The following FAM186A variants were observed in gnomAD, a reference collection of about 807,000 sequenced individuals.
FAM186A encodes protein FAM186A.
FAM186A carries 163 observed loss-of-function variants against 216.8 expected under a neutral mutation model. The observed-to-expected ratio is 0.75, with a 90% CI of 0.66 to 0.86. The LOEUF (loss-of-function observed/expected upper bound fraction) is 0.86, where lower values mean the gene tolerates loss of function less well. Ranked by LOEUF, FAM186A falls within the 40% of genes least tolerant of loss-of-function variation. FAM186A has a pLI of 0.00. For missense variants in FAM186A, 2,184 were observed against 2,746.2 expected, an observed-to-expected ratio of 0.80 and a Z score of 4.58; for synonymous variants, 805 against 1,025.3, an observed-to-expected ratio of 0.79 and a Z score of 4.10.
rs954273999 is a variant in FAM186A at position 50,355,948 on chromosome 12, C to G, written c.884G>C (p.Ser295Thr). The change falls in exon 4 of 8, where the codon AGT (serine) becomes ACT (threonine). Residue 295 changes from serine (S) to threonine (T), a missense_variant. Coordinates refer to ENST00000327337, the MANE Select transcript of FAM186A (RefSeq NM_001145475.3). ...QSSTVYAHET[S>T]EAEKELSLKI... Reference sequence around the variant, plus strand: ...CAGAGAGAGCTCCTTTTCTGCTTCACTTGTCTCATGTGCATACACAGTGGA... The same window carrying G: ...CAGAGAGAGCTCCTTTTCTGCTTCAGTTGTCTCATGTGCATACACAGTGGA... 1.5e-5 allele frequency: 23 copies of G among 1,551,450 alleles called. No individual in the cohort carries two copies. Among genetic ancestry groups the G allele is most frequent in the Non-Finnish European group, 1.5e-5 (17 of 1,146,990 alleles).
chr12:50,330,556 T>C lies in FAM186A; in HGVS notation c.7034+17A>G. On this transcript the variant is annotated intron_variant, in intron 7 of 7. Transcript: ENST00000327337. ...TCAAAGGCCCAATTACCAGAGTGCT[T>C]CCAGTCCATAACTTACCGTGATTGG... is the stretch of plus-strand genomic sequence containing the variant. 1 of 1,544,552 alleles carries C rather than the reference T, an allele frequency of 6.5e-7. No individual in the cohort carries two copies. Among genetic ancestry groups the C allele is most frequent in the Non-Finnish European group, 8.7e-7 (1 of 1,144,770 alleles).
Position 50,352,969 on chromosome 12 carries a change from C to A in FAM186A, c.3863G>T (p.Gly1288Val). The A allele has an allele frequency of 6.5e-7, 1 of 1,531,164 alleles. No homozygotes were observed. Among genetic ancestry groups the A allele is most frequent in the Non-Finnish European group, 8.8e-7 (1 of 1,135,902 alleles). The allele number at this position is 1,531,164 out of a possible 1,614,324, so 94.8% of individuals were successfully genotyped here. The change falls in exon 4 of 8, where the codon GGG becomes GTG. Residue 1288 changes from glycine (G) to valine (V), a missense_variant. Around this residue, in one of 7 missense-constraint regions of FAM186A, gnomAD observed 267 missense variants for 446.2 expected, o/e 0.60. Transcript: ENST00000327337. The stretch of plus-strand genomic sequence containing the variant: ...GGCCTGCTGAGGGTTGAGAGGGATC[C>A]CCAATTCCTGAGCCTGCTTAGGGGT... ...TLTPKQAQEL[G>V]IPLNPQQAQT... is the part of the protein sequence containing the mutation.
Position 50,352,009 on chromosome 12 carries a change from G to A in FAM186A, c.4823C>T (p.Ala1608Val), listed in dbSNP as rs777559312. The A allele has an allele frequency of 1.8e-4, 272 of 1,507,780 alleles. 1 individual carries two copies. The highest frequency in any genetic ancestry group is 4.3e-4 in the Admixed American group (21 of 48,562). The allele number at this position is 1,507,780 out of a possible 1,614,324, so 93.4% of individuals were successfully genotyped here. A position where few individuals can be genotyped will look rare whatever the true frequency, so the allele number is the denominator to read the frequency against. ...ELGIPLTPQQ[A>V]QAQGIPLTPQ... ...GGTGAGAGGGATCCCCTGAGCCTGC[G>A]CCTGCTGAGGGGTGAGAGGGATCCC... The change falls in exon 4 of 8, where the codon GCG becomes GTG. Residue 1608 changes from alanine (A) to valine (V), a missense_variant. Ala to Val is a moderately conservative substitution (Grantham distance 64). Coordinates refer to ENST00000327337, the MANE Select transcript of FAM186A (RefSeq NM_001145475.3).
chr12:50,355,353 G>C lies in FAM186A; in HGVS notation c.1479C>G (p.Tyr493Ter). Residue 493 changes from tyrosine to a stop codon, truncating the protein, a stop_gained, in exon 4 of 8, where the codon TAC (tyrosine) becomes TAG (stop). Transcript: ENST00000327337. LOFTEE classifies it high-confidence loss of function. ...QKVSEAKPSQ[Y>*]YELQVLKKKR... ...TCTTTTTCAGTACTTGTAGCTCATA[G>C]TATTGACTAGGTTTGGCCTCTGAGA... 2 of 1,551,252 alleles carry C rather than the reference G, an allele frequency of 1.3e-6. No individual in the cohort carries two copies. Among genetic ancestry groups the C allele is most frequent in the Non-Finnish European group, 1.7e-6 (2 of 1,146,948 alleles).
intron 1 of FAM186A, among the ~76,000 whole-genome samples, chr12:50,372,151 C>T (rs184129161): frequency 1.3e-5 from 2 of 151,682 alleles, no homozygotes; most frequent in East Asian, 1.9e-4. Context: ...AATAATCAAA[C>T]GTTAAGTATG....
chr12:50,360,117 G>A (rs1183550839), intron 3 of FAM186A, among the ~76,000 whole-genome samples: 3 of 151,706 alleles, frequency 2.0e-5, no homozygotes, highest in African/African-American at 4.8e-5. Flanking sequence ...GGTGGCAGGT[G>A]CCTGTAATCC....
chr12:50,350,403 T>A lies in FAM186A; in HGVS notation c.6429A>T (p.Ile2143=), dbSNP rs886224497. ...HTMARTLIIE[I]LHMDTVQLGY... is the part of the protein sequence containing the mutation. ...CCAACTGAACTGTGTCCATATGAAG[T>A]ATCTCAATTATGAGAGTCCTAGCCA... The change falls in exon 4 of 8, where the codon ATA becomes ATT. Residue 2143 remains isoleucine, a synonymous_variant. Transcript: ENST00000327337. The A allele has an allele frequency of 6.4e-7, 1 of 1,551,346 alleles. No homozygotes were observed. The highest frequency in any genetic ancestry group is 1.4e-5 in the African/African-American group (1 of 73,016).
At chr12:50,391,046 T>C (rs554272281) in intron 1 of FAM186A, among the ~76,000 whole-genome samples, 2 of 152,022 alleles carry the variant, frequency 1.3e-5, no homozygotes, top group East Asian at 1.9e-4. Context: ...TGGAGTGTAG[T>C]GGTGCGATTG....
In FAM186A at chr12:50,353,377, T is replaced by C. The variant is rs533953825; in HGVS notation, c.3455A>G (p.Asp1152Gly). The C allele has an allele frequency of 4.4e-6, 6 of 1,357,560 alleles. No individual in the cohort carries two copies. The South Asian group carries it at 8.5e-5, about 19-fold the overall frequency. The allele number at this position is 1,357,560 out of a possible 1,614,324, so 84.1% of individuals were successfully genotyped here. The change falls in exon 4 of 8, where the codon GAC (aspartate) becomes GGC (glycine). Residue 1152 changes from aspartate (D) to glycine (G), a missense_variant. Coordinates refer to ENST00000327337, the MANE Select transcript of FAM186A (RefSeq NM_001145475.3). ...GGTGAGAGAGATCCCCGGGGCCTGGTCCTGCTGAGGGGTGAGAGTGATCCC... is the reference window on the plus strand; with the variant it reads ...GGTGAGAGAGATCCCCGGGGCCTGGCCCTGCTGAGGGGTGAGAGTGATCCC... The part of the protein sequence containing the change: ...VQGITLTPQQ[D>G]QAPGISLTTQ...
At chr12:50,378,200 GACA>G (rs1479577305) in intron 1 of FAM186A, among the ~76,000 whole-genome samples, 1 of 146,084 alleles carries the variant, frequency 6.8e-6, no homozygotes, top group Non-Finnish European at 1.5e-5. Flanking sequence ...CTCCAGCCTC[GACA>G]ACAAGAGCGA....
chr12:50,365,924 T>C, intron 1 of FAM186A: 3 of 763,160 alleles, frequency 3.9e-6, no homozygotes, highest in East Asian at 2.4e-5. Flanking sequence ...AAAAGGCTAA[T>C]GGCACAACTG....
rs148400915 is a variant in FAM186A at position 50,353,684 on chromosome 12, G to T, written c.3148C>A (p.Pro1050Thr). Residue 1050 changes from proline to threonine, a missense_variant, in exon 4 of 8, where the codon CCT becomes ACT. Pro to Thr is a conservative substitution (Grantham distance 38, BLOSUM62 -1). Around this residue, in one of 7 missense-constraint regions of FAM186A, gnomAD observed 1,132 missense variants for 1,263.4 expected, o/e 0.90. Coordinates refer to ENST00000327337, the MANE Select transcript of FAM186A (RefSeq NM_001145475.3). ...PDEKEPISIT[P>T]PPSLQYSLPG... ...AGGGAGTATTGTAGGGAGGGGGGAGGTGTGATTGATATGGGCTCCTTTTCA... is the reference window on the plus strand; with the variant it reads ...AGGGAGTATTGTAGGGAGGGGGGAGTTGTGATTGATATGGGCTCCTTTTCA... The T allele has an allele frequency of 6.5e-7, 1 of 1,537,952 alleles. No individual in the cohort carries two copies. Among genetic ancestry groups the T allele is most frequent in the East Asian group, 2.4e-5 (1 of 40,868 alleles).
chr12:50,332,074 C>T (rs1234959608), intron 5 of FAM186A, among the ~76,000 whole-genome samples: 1 of 152,180 alleles, frequency 6.6e-6, no homozygotes, highest in Non-Finnish European at 1.5e-5. Flanking sequence ...GGGATAGTTG[C>T]TTAATTTATC....
intron 1 of FAM186A, among the ~76,000 whole-genome samples, chr12:50,381,185 CTTCTT>C (rs1943251296): frequency 6.6e-6 from 1 of 152,216 alleles, no homozygotes; most frequent in East Asian, 1.9e-4. Context: ...CTCTTTCTCT[CTTCTT>C]TCCTTCTCTC....
intron 4 of FAM186A, among the ~76,000 whole-genome samples, chr12:50,343,462 T>C (rs1367410748): frequency 6.6e-6 from 1 of 152,204 alleles, no homozygotes; most frequent in Non-Finnish European, 1.5e-5. Flanking sequence ...AGAGTCTTGC[T>C]CTGTTGCCCA....
intron 1 of FAM186A, among the ~76,000 whole-genome samples, chr12:50,371,313 T>C (rs970419731): frequency 1.3e-5 from 2 of 151,952 alleles, no homozygotes; most frequent in African/African-American, 4.8e-5. Context: ...GAGACGGGGT[T>C]TCACCATCTT....
Position 50,396,388 on chromosome 12 carries a change from G to C in FAM186A, c.97C>G (p.Leu33Val). The C allele has an allele frequency of 6.4e-7, 1 of 1,551,594 alleles. No homozygotes were observed. The highest frequency in any genetic ancestry group is 8.7e-7 in the Non-Finnish European group (1 of 1,146,968). The change falls in exon 1 of 8, where the codon CTT (leucine) becomes GTT (valine). Residue 33 changes from leucine (L) to valine (V), a missense_variant. Around this residue, in one of 7 missense-constraint regions of FAM186A, gnomAD observed 1,132 missense variants for 1,263.4 expected, o/e 0.90. Coordinates refer to ENST00000327337, the MANE Select transcript of FAM186A (RefSeq NM_001145475.3). Reference protein sequence around the residue: ...TIMRREPQNILSPLMLPNLEI... With the variant: ...TIMRREPQNIVSPLMLPNLEI... The stretch of plus-strand genomic sequence containing the variant: ...AGGTTAGGGAGCATCAAAGGACTAA[G>C]GATATTTTGGGGCTCTCTTCTCATG...
chr12:50,359,021 G>T (rs552469084), intron 3 of FAM186A, among the ~76,000 whole-genome samples: 5 of 151,960 alleles, frequency 3.3e-5, no homozygotes, highest in African/African-American at 1.2e-4. Context: ...ATAAGCACAT[G>T]AAACATGCTC....
rs1383804061 is a variant in FAM186A, at chr12:50,354,348, T to C, written c.2484A>G (p.Gln828=). 5.2e-6 allele frequency: 8 copies of C among 1,551,572 alleles called. No homozygotes were observed. The highest frequency in any genetic ancestry group is 7.0e-6 in the Non-Finnish European group (8 of 1,147,006). ...KEKQRQEQYL[Q]EGQEQMSGMS... ...TGCCAGACATTTGTTCTTGACCCTC[T>C]TGCAAATATTGCTCCTGCCTTTGTT... The change falls in exon 4 of 8, where the codon CAA becomes CAG. Residue 828 remains glutamine (Q), a synonymous_variant. Transcript: ENST00000327337.
Sources: gnomAD v4.1 joint callset for allele counts (sites outside exome capture counted in the v4.1 genomes callset) on GRCh38, gnomAD v4.1.1 for gene constraint, gnomAD v4.1.1 regional missense constraint, MANE v1.5 for transcripts, NCBI Gene and HGNC (gene_info 2026-07-23, HGNC 2026-07-21) for gene names.